Variants in SUPT3H observed in about 807,000 individuals in gnomAD.
SUPT3H encodes the protein transcription initiation protein SPT3 homolog.
Under a neutral mutation model 44.3 loss-of-function variants are expected in SUPT3H, and 44 were observed. That is an observed-to-expected ratio of 0.99 (90% CI 0.78 to 1.28). The LOEUF is 1.28. SUPT3H is among the 50% of genes most tolerant of loss of function. The pLI, the probability that SUPT3H is intolerant of heterozygous loss-of-function variation, is 0.00. For synonymous variants in SUPT3H, 124 were observed against 125.6 expected, an observed-to-expected ratio of 0.99 and a Z score of 0.09; for missense variants, 380 against 387.1, an observed-to-expected ratio of 0.98 and a Z score of 0.15.
intron 10 of SUPT3H, among the ~76,000 whole-genome samples, chr6:44,838,676 A>T (rs1770382564): frequency 6.6e-6 from 1 of 152,184 alleles, no homozygotes; most frequent in Admixed American, 6.5e-5. Context: ...CAGGTCCGAG[A>T]TACTCATAAG....
At chr6:45,089,702 G>C (rs896793262) in intron 3 of SUPT3H, among the ~76,000 whole-genome samples, 2 of 151,470 alleles carry the variant, frequency 1.3e-5, no homozygotes, top group Non-Finnish European at 2.9e-5. Context: ...TTCAAACTAG[G>C]ATGTGTTAGT....
chr6:44,992,627 C>T (rs889821182), intron 6 of SUPT3H, among the ~76,000 whole-genome samples: 4 of 152,082 alleles, frequency 2.6e-5, no homozygotes, highest in African/African-American at 4.8e-5. Flanking sequence ...GGTTTCAATG[C>T]TGCCACCATG....
intron 2 of SUPT3H, among the ~76,000 whole-genome samples, chr6:45,131,934 T>C (rs539597596): frequency 6.6e-6 from 1 of 152,208 alleles, no homozygotes; most frequent in African/African-American, 2.4e-5. Flanking sequence ...AACTGGGTAG[T>C]ACGGAATCCT....
chr6:45,257,644 A>G (rs1405908431), intron 2 of SUPT3H, among the ~76,000 whole-genome samples: 1 of 152,180 alleles, frequency 6.6e-6, no homozygotes, highest in East Asian at 1.9e-4. Flanking sequence ...GAAGCTAGGA[A>G]GTCCAAGATC....
At chr6:45,207,218 T>G (rs1450484497) in intron 2 of SUPT3H, among the ~76,000 whole-genome samples, 1 of 152,118 alleles carries the variant, frequency 6.6e-6, no homozygotes, top group African/African-American at 2.4e-5. Flanking sequence ...GGAAGTCAAG[T>G]GAATGAAGTC....
At chr6:45,224,117 G>C (rs1766506434) in intron 2 of SUPT3H, among the ~76,000 whole-genome samples, 1 of 150,594 alleles carries the variant, frequency 6.6e-6, no homozygotes, top group Admixed American at 6.6e-5. Flanking sequence ...TTCACTCACA[G>C]GATTGAAAGA....
intron 2 of SUPT3H, among the ~76,000 whole-genome samples, chr6:45,206,088 A>G (rs1434115596): frequency 6.6e-6 from 1 of 152,242 alleles, no homozygotes; most frequent in Non-Finnish European, 1.5e-5. Flanking sequence ...TGTAAGACTC[A>G]TTCATTTAAC....
At chr6:45,307,820 C>T (rs917848014) in intron 2 of SUPT3H, among the ~76,000 whole-genome samples, 3 of 152,134 alleles carry the variant, frequency 2.0e-5, no homozygotes, top group Non-Finnish European at 2.9e-5. Flanking sequence ...CAAGCTTCTC[C>T]GAGCTAAAGG....
intron 2 of SUPT3H, among the ~76,000 whole-genome samples, chr6:45,337,451 A>G (rs1054943227): frequency 3.3e-5 from 5 of 151,838 alleles, no homozygotes; most frequent in African/African-American, 1.2e-4. Context: ...TACTCTAAAA[A>G]TACTCATTTC....
intron 10 of SUPT3H, among the ~76,000 whole-genome samples, chr6:44,905,208 G>C (rs1765797954): frequency 6.6e-6 from 1 of 152,028 alleles, no homozygotes; most frequent in African/African-American, 2.4e-5. Context: ...CACAGCAAAA[G>C]AAACTACCAT....
In SUPT3H at chr6:44,896,081, T is replaced by C. The variant is rs145044614; in HGVS notation, c.912+36572A>G. ...ATGCTTTTTTCTGTAACACAACCTA[T>C]AAAAAACGCTGGGAGAGTGTGATTA... On this transcript the variant is annotated intron_variant, in intron 10 of 10. Coordinates refer to ENST00000371459, the MANE Select transcript of SUPT3H (RefSeq NM_003599.4). Among the ~76,000 whole-genome samples, 419 of 152,088 alleles carry C rather than the reference T, an allele frequency of 2.8e-3. 1 individual carries two copies. Among genetic ancestry groups the C allele is most frequent in the African/African-American group, 7.9e-3 (326 of 41,486 alleles).
chr6:45,167,419 C>T (rs1201219535), intron 2 of SUPT3H, among the ~76,000 whole-genome samples: 1 of 152,160 alleles, frequency 6.6e-6, no homozygotes, highest in Non-Finnish European at 1.5e-5. Context: ...TGCTAGAATT[C>T]TAATCCCTAT....
chr6:45,045,457 T>C (rs771892502), intron 3 of SUPT3H, among the ~76,000 whole-genome samples: 8 of 152,162 alleles, frequency 5.3e-5, no homozygotes, highest in Non-Finnish European at 1.2e-4. Context: ...GCTTATCTAT[T>C]GTTGGTGTAT....
intron 5 of SUPT3H, among the ~76,000 whole-genome samples, chr6:45,012,156 T>C (rs1324464782): frequency 6.6e-6 from 1 of 151,550 alleles, no homozygotes; most frequent in Non-Finnish European, 1.5e-5. Context: ...TTTATGTTTA[T>C]CCTAATTGGA....
At position 45,288,531 on chromosome 6, in the gene SUPT3H, A is replaced by ATGTGTGTG. The variant is rs141680515; in HGVS notation, c.101+76662_101+76669dup. Among the ~76,000 whole-genome samples the ATGTGTGTG allele has an allele frequency of 3.9e-3, 120 of 30,672 alleles. 19 individuals carry two copies. Among genetic ancestry groups the ATGTGTGTG allele is most frequent in the East Asian group, 8.9e-3 (4 of 450 alleles). 20.1% of individuals were successfully genotyped at this position (30,672 alleles called of 152,430 possible). On this transcript the variant is annotated intron_variant, in intron 2 of 10. Coordinates refer to ENST00000371459, the MANE Select transcript of SUPT3H (RefSeq NM_003599.4). Reference sequence around the variant, plus strand: ...GTATTTACACACAATAAGAGATACAATGTGTGTGTGTGTGTGTATATATAT... The same window carrying ATGTGTGTG: ...GTATTTACACACAATAAGAGATACAATGTGTGTGTGTGTGTGTGTGTGTGTATATATAT...
intron 2 of SUPT3H, among the ~76,000 whole-genome samples, chr6:45,326,289 A>G (rs574433023): frequency 2.6e-5 from 4 of 152,022 alleles, no homozygotes; most frequent in South Asian, 4.1e-4. Context: ...AGCTACCTAC[A>G]TATTTTCAAT....
intron 6 of SUPT3H, among the ~76,000 whole-genome samples, chr6:44,990,579 TG>T (rs1306842578): frequency 3.3e-5 from 5 of 152,118 alleles, no homozygotes; most frequent in African/African-American, 1.2e-4. Flanking sequence ...GTGTTGGAAA[TG>T]GGGCCTGGTT....
At chr6:45,102,947 G>GA (rs571561447) in intron 3 of SUPT3H, among the ~76,000 whole-genome samples, 3,872 of 111,308 alleles carry the variant, frequency 0.035, 95 homozygotes, top group South Asian at 0.11. Context: ...TCAAAAAAAA[G>GA]AAAAAAAAAA....
At chr6:44,943,054 C>T (rs1053379876) in intron 9 of SUPT3H, among the ~76,000 whole-genome samples, 2 of 151,968 alleles carry the variant, frequency 1.3e-5, no homozygotes, top group East Asian at 3.9e-4. Flanking sequence ...CAATGGAGAC[C>T]AAGAAAATTC....
Sources: gnomAD v4.1 joint callset for allele counts (sites outside exome capture counted in the v4.1 genomes callset) on GRCh38, gnomAD v4.1.1 for gene constraint, MANE v1.5 for transcripts, NCBI Gene and HGNC (gene_info 2026-07-23, HGNC 2026-07-21) for gene names.